Variants in CCDC73 observed in about 807,000 individuals in gnomAD.
CCDC73 encodes coiled-coil domain containing 73, also known as coiled-coil domain-containing protein 73.
A neutral mutation model predicts 116.5 loss-of-function variants in CCDC73; 95 were observed. That is an observed-to-expected ratio of 0.82 (90% CI 0.69 to 0.97). CCDC73 has a LOEUF of 0.97. Among genes scored for constraint, CCDC73 ranks in the 50% least tolerant of loss-of-function variants. The pLI, the probability that CCDC73 is intolerant of heterozygous loss-of-function variation, is 0.00. For synonymous variants in CCDC73, 398 were observed against 401.3 expected (o/e 0.99, Z 0.10); for missense variants, 1,066 against 1,206.8 (o/e 0.88, Z 1.73).
chr11:32,775,676 T>G (rs1012804421), intron 1 of CCDC73, among the ~76,000 whole-genome samples: 1 of 152,188 alleles, frequency 6.6e-6, no homozygotes, highest in Non-Finnish European at 1.5e-5. Context: ...GGTACTTAGT[T>G]AGTGACCTCT....
intron 9 of CCDC73, among the ~76,000 whole-genome samples, chr11:32,668,268 T>G (rs1472072076): frequency 6.6e-6 from 1 of 152,214 alleles, no homozygotes; most frequent in East Asian, 1.9e-4. Flanking sequence ...TATTCCTTTA[T>G]GTATTTAAAT....
intron 2 of CCDC73, among the ~76,000 whole-genome samples, chr11:32,727,071 T>G (rs1388295664): frequency 6.6e-6 from 1 of 152,282 alleles, no homozygotes; most frequent in South Asian, 2.1e-4. Flanking sequence ...TTGACACTTT[T>G]GAAGAATATT....
At chr11:32,716,748 A>G (rs1849949878) in intron 3 of CCDC73, among the ~76,000 whole-genome samples, 1 of 152,092 alleles carries the variant, frequency 6.6e-6, no homozygotes, top group Non-Finnish European at 1.5e-5. Flanking sequence ...TTTTTAATAG[A>G]GACAAGGTCT....
chr11:32,665,129 A>T (rs948777667), intron 9 of CCDC73, among the ~76,000 whole-genome samples: 1 of 152,200 alleles, frequency 6.6e-6, no homozygotes, highest in African/African-American at 2.4e-5. Context: ...AAAAATGTAT[A>T]TTCTGTTGAT....
chr11:32,721,417 G>T (rs1849988566), intron 2 of CCDC73, among the ~76,000 whole-genome samples: 1 of 152,096 alleles, frequency 6.6e-6, no homozygotes, highest in Non-Finnish European at 1.5e-5. Context: ...GGGATAGATA[G>T]ATATGTGATA....
At chr11:32,826,659 A>C in the CCDC73 span, among the ~76,000 whole-genome samples, 4 of 128,446 alleles carry the variant, frequency 3.1e-5, no homozygotes, top group East Asian at 8.6e-4. Context: ...AAAAAAAAAA[A>C]CAAAAAAAAA....
At chr11:32,795,202 C>T (rs954208177), upstream of CCDC73, among the ~76,000 whole-genome samples, 1 of 152,126 alleles carries the variant, frequency 6.6e-6, no homozygotes, top group Non-Finnish European at 1.5e-5. Context: ...GGTTCACTGG[C>T]TCATGCCTGT....
chr11:32,795,690 ATT>A (rs541212653), upstream of CCDC73, among the ~76,000 whole-genome samples: 32 of 142,334 alleles, frequency 2.2e-4, no homozygotes, highest in Non-Finnish European at 3.4e-4. Flanking sequence ...CTGCCCTCAA[ATT>A]TTTTTTTTTT....
chr11:32,752,394 TCAAA>T (rs1485408112), intron 2 of CCDC73, among the ~76,000 whole-genome samples: 5 of 152,190 alleles, frequency 3.3e-5, no homozygotes, highest in Admixed American at 3.3e-4. Flanking sequence ...CCAAGTAAGC[TCAAA>T]CAAAAAATTA....
the CCDC73 span, among the ~76,000 whole-genome samples, chr11:32,812,025 G>T: frequency 2.0e-5 from 3 of 151,980 alleles, no homozygotes; most frequent in Non-Finnish European, 2.9e-5. Context: ...CTGAATGGGG[G>T]TGTGAGTGCT....
intron 3 of CCDC73, among the ~76,000 whole-genome samples, chr11:32,711,617 C>G (rs1357100605): frequency 6.6e-6 from 1 of 152,088 alleles, no homozygotes; most frequent in Non-Finnish European, 1.5e-5. Flanking sequence ...AGGCAAAAGG[C>G]TGGGAGAGGG....
chr11:32,664,041 T>C (rs988557128), intron 9 of CCDC73, among the ~76,000 whole-genome samples: 13 of 152,178 alleles, frequency 8.5e-5, no homozygotes, highest in South Asian at 2.1e-4. Flanking sequence ...CAGTTGATCA[T>C]GGTGGATAAG....
At chr11:32,801,393 A>C in the CCDC73 span, among the ~76,000 whole-genome samples, 1 of 152,216 alleles carries the variant, frequency 6.6e-6, no homozygotes, top group Non-Finnish European at 1.5e-5. Flanking sequence ...CTGTAATCCC[A>C]GCATTTTGGG....
At chr11:32,680,394 G>A (rs193051192) in intron 7 of CCDC73, 11 of 151,856 alleles carry the variant, frequency 7.2e-5, no homozygotes, top group East Asian at 3.9e-4. Context: ...TTTCTTTTAC[G>A]TAGTTTTACT....
chr11:32,683,864 C>G (rs1856170499), intron 6 of CCDC73, among the ~76,000 whole-genome samples: 3 of 152,080 alleles, frequency 2.0e-5, no homozygotes, highest in Admixed American at 2.0e-4. Flanking sequence ...AGAGTGATAA[C>G]CACTAAGACA....
intron 2 of CCDC73, among the ~76,000 whole-genome samples, chr11:32,746,190 A>G (rs1850237161): frequency 6.6e-6 from 1 of 152,198 alleles, no homozygotes. Context: ...TATGAAGCTC[A>G]GTTTGGCTGG....
chr11:32,640,854 A>G (rs1471822398), intron 13 of CCDC73, among the ~76,000 whole-genome samples: 2 of 152,034 alleles, frequency 1.3e-5, no homozygotes. Context: ...TGTCTCTACT[A>G]AAAATACAAA....
chr11:32,728,177 G>A (rs1378857015), intron 2 of CCDC73, among the ~76,000 whole-genome samples: 2 of 152,034 alleles, frequency 1.3e-5, no homozygotes, highest in African/African-American at 2.4e-5. Flanking sequence ...CTTAAGCCCA[G>A]GAGGTCAAGA....
At chr11:32,791,491 C>G (rs1470207100) in intron 1 of CCDC73, among the ~76,000 whole-genome samples, 1 of 152,184 alleles carries the variant, frequency 6.6e-6, no homozygotes, top group Non-Finnish European at 1.5e-5. Context: ...CCAAGTTTAC[C>G]TTGATCTTGA....
Sources: allele counts gnomAD v4.1 joint callset (sites outside exome capture counted in the v4.1 genomes callset), GRCh38; gene constraint gnomAD v4.1.1; transcripts MANE v1.5; gene names NCBI Gene and HGNC (gene_info 2026-07-23, HGNC 2026-07-21).